Variants in PLEKHG4B observed in about 807,000 individuals in gnomAD.
PLEKHG4B encodes the protein pleckstrin homology and RhoGEF domain containing G4B, also known as pleckstrin homology domain-containing family G member 4B.
Under a neutral mutation model 121.3 loss-of-function variants are expected in PLEKHG4B, and 111 were observed. The ratio of observed to expected loss-of-function variants is 0.92; its 90% CI spans 0.78 to 1.07. PLEKHG4B has a LOEUF of 1.07. PLEKHG4B is among the 50% of genes least tolerant of loss of function. The pLI is 0.00. For synonymous variants in PLEKHG4B, 738 were observed against 725.0 expected, an observed-to-expected ratio of 1.02 and a Z score of -0.29; for missense variants, 1,831 against 1,757.8, an observed-to-expected ratio of 1.04 and a Z score of -0.74.
At chr5:118,893 C>G (rs901075506) in intron 2 of PLEKHG4B, among the ~76,000 whole-genome samples, 1 of 151,276 alleles carries the variant, frequency 6.6e-6, no homozygotes, top group African/African-American at 2.4e-5. Context: ...CTCTGTCACC[C>G]AGGCTGGAGT....
At chr5:98,734 A>C (rs1296115374) in intron 1 of PLEKHG4B, among the ~76,000 whole-genome samples, 1 of 147,036 alleles carries the variant, frequency 6.8e-6, no homozygotes, top group Non-Finnish European at 1.5e-5. Context: ...CAGCCTCCCA[A>C]AGTGCTGGGA....
intron 1 of PLEKHG4B, among the ~76,000 whole-genome samples, chr5:97,896 C>G (rs1733676202): frequency 1.3e-5 from 2 of 152,122 alleles, no homozygotes; most frequent in Admixed American, 6.5e-5. Context: ...ATTTCCATTC[C>G]CACCAGCAAG....
At position 169,346 on chromosome 5, in the gene PLEKHG4B, A is replaced by G. The variant is rs1736459632; in HGVS notation, c.3483A>G (p.Arg1161=). The change falls in exon 14 of 20, where the codon CGA becomes CGG. Residue 1161 remains arginine (R), a synonymous_variant. Transcript: ENST00000637938. ...GGATCTCTGTGTCTTCCAGCAGCCGACTGAGGCACATCATGGCCGAGATGA... is the reference window on the plus strand; with the variant it reads ...GGATCTCTGTGTCTTCCAGCAGCCGGCTGAGGCACATCATGGCCGAGATGA... ...EDGRQQVGSS[R]LRHIMAEMIA... The G allele has an allele frequency of 6.2e-7, 1 of 1,613,738 alleles. No homozygotes were observed. Among genetic ancestry groups the G allele is most frequent in the Non-Finnish European group, 8.5e-7 (1 of 1,179,922 alleles).
intron 1 of PLEKHG4B, among the ~76,000 whole-genome samples, chr5:112,569 G>A (rs972404755): frequency 2.6e-5 from 4 of 152,162 alleles, no homozygotes; most frequent in African/African-American, 9.7e-5. Flanking sequence ...CTTCATAAAA[G>A]CATGTTGCAC....
At position 163,073 on chromosome 5, in the gene PLEKHG4B, G is replaced by A. The variant is rs1736088530; in HGVS notation, c.3001G>A (p.Gly1001Ser). 2 of 1,561,864 alleles carry A rather than the reference G, an allele frequency of 1.3e-6. No homozygotes were observed. Among genetic ancestry groups the A allele is most frequent in the African/African-American group, 1.4e-5 (1 of 73,508 alleles). ...PSFPSTDSGG[G>S]AWEPAQPLSG... ...ATTCCCCAGCACGGACAGTGGGGGT[G>A]GTGCCTGGGAACCTGCGCAACCACT... Residue 1001 changes from glycine to serine, a missense_variant, in exon 13 of 20, where the codon GGT (glycine) becomes AGT (serine). Physicochemically the swap from Gly to Ser is moderately conservative, Grantham distance 56. Coordinates refer to ENST00000637938, the MANE Select transcript of PLEKHG4B (RefSeq NM_052909.5).
chr5:182,903 A>T lies in PLEKHG4B; in HGVS notation c.*580A>T, dbSNP rs1015038400. The stretch of plus-strand genomic sequence containing the variant: ...GGTTGCTACCCATTCGCACACTCAA[A>T]CAGGGAGGCTACCAAGGCTGGGAGC... On this transcript the variant is annotated 3_prime_UTR_variant, in exon 20 of 20. Transcript: ENST00000637938. 6.4e-6 allele frequency: 1 copy of T among 156,308 alleles called. No homozygotes were observed. The highest frequency in any genetic ancestry group is 1.9e-4 in the East Asian group (1 of 5,316). The allele number at this position is 156,308 out of a possible 1,614,324, so 9.7% of individuals were successfully genotyped here. A position where few individuals can be genotyped will look rare whatever the true frequency, so the allele number is the denominator to read the frequency against.
Position 139,711 on chromosome 5 carries a change from G to A in PLEKHG4B, c.472G>A (p.Val158Ile), listed in dbSNP as rs1735092370. The A allele has an allele frequency of 7.5e-6, 3 of 398,838 alleles. No homozygotes were observed. The highest frequency in any genetic ancestry group is 1.3e-5 in the Non-Finnish European group (3 of 226,174). The allele number at this position is 398,838 out of a possible 1,614,324, so 24.7% of individuals were successfully genotyped here. A position where few individuals can be genotyped will look rare whatever the true frequency, so the allele number is the denominator to read the frequency against. Residue 158 changes from valine (V) to isoleucine (I), a missense_variant, in exon 3 of 20, where the codon GTC becomes ATC. Physicochemically the swap from Val to Ile is conservative, Grantham distance 29 (BLOSUM62 3). Coordinates refer to ENST00000637938, the MANE Select transcript of PLEKHG4B (RefSeq NM_052909.5). The surrounding 1 kb of genome is among the most constrained non-coding windows in gnomAD (Gnocchi z 5.0). ...CGTCCCTGAGGCCATGTATGGCTGT[G>A]TCTTCACGGGGGCGTTCCTGGAGTG... is the stretch of plus-strand genomic sequence containing the variant. ...VTVPEAMYGC[V>I]FTGAFLEWVN...
At chr5:154,407 C>T (rs1398304240) in intron 7 of PLEKHG4B, among the ~76,000 whole-genome samples, 2 of 152,276 alleles carry the variant, frequency 1.3e-5, no homozygotes, top group East Asian at 3.9e-4. Flanking sequence ...CGGGCAGCGG[C>T]CCTGAGGACG....
intron 1 of PLEKHG4B, among the ~76,000 whole-genome samples, chr5:96,301 A>G (rs1011809455): frequency 1.3e-5 from 2 of 152,194 alleles, no homozygotes; most frequent in East Asian, 1.9e-4. Flanking sequence ...CTATCATTCT[A>G]TGATTCTGAA....
chr5:102,163 C>T (rs10475442), intron 1 of PLEKHG4B, among the ~76,000 whole-genome samples: 18,880 of 135,300 alleles, frequency 0.14, 1,742 homozygotes, highest in African/African-American at 0.29. Context: ...GGAGAGACTG[C>T]TGTGAGGTTA....
intron 2 of PLEKHG4B, among the ~76,000 whole-genome samples, chr5:128,365 A>G (rs1454851175): frequency 6.6e-6 from 1 of 152,222 alleles, no homozygotes; most frequent in East Asian, 1.9e-4. Context: ...ATGGCTAAAT[A>G]AAAACCACAT....
chr5:109,102 C>T (rs1734060457), intron 1 of PLEKHG4B, among the ~76,000 whole-genome samples: 1 of 152,168 alleles, frequency 6.6e-6, no homozygotes, highest in Non-Finnish European at 1.5e-5. Context: ...CCCCCGCTGT[C>T]CCCAGGGCCC....
At chr5:180,422 C>T (rs1459448014) in intron 18 of PLEKHG4B, among the ~76,000 whole-genome samples, 4 of 152,158 alleles carry the variant, frequency 2.6e-5, no homozygotes, top group South Asian at 2.1e-4. Flanking sequence ...CCACCCTGTG[C>T]GTTTTCAGAA....
intron 6 of PLEKHG4B, among the ~76,000 whole-genome samples, chr5:149,552 A>G (rs1454883202): frequency 7.0e-6 from 1 of 142,976 alleles, no homozygotes; most frequent in African/African-American, 2.9e-5. Context: ...AAAAAAGTAA[A>G]TAAGAAGACG....
intron 2 of PLEKHG4B, among the ~76,000 whole-genome samples, chr5:126,890 G>A (rs1185001450): frequency 1.3e-5 from 2 of 152,182 alleles, no homozygotes; most frequent in Non-Finnish European, 2.9e-5. Flanking sequence ...GATTTTATAG[G>A]CAGGCTTGAG....
chr5:119,484 A>G lies in PLEKHG4B; in HGVS notation c.243+6036A>G, dbSNP rs142629155. Among the ~76,000 whole-genome samples, 467 of 152,328 alleles carry G rather than the reference A, an allele frequency of 3.1e-3. 2 individuals carry two copies. The highest frequency in any genetic ancestry group is 0.01 in the Middle Eastern group (3 of 294). On this transcript the variant is annotated intron_variant, in intron 2 of 19. Transcript: ENST00000637938. ...GACAAAACCACCAAGGAAATTGTCA[A>G]AATATTTAGAGCCAAAGAACAGATG...
chr5:127,340 T>TTTATTATTA (rs60825083), intron 2 of PLEKHG4B, among the ~76,000 whole-genome samples: 27,493 of 135,292 alleles, frequency 0.2, 2,945 homozygotes, highest in Middle Eastern at 0.36. Flanking sequence ...ATTGTTGGTT[T>TTTATTATTA]TTATTATTAT....
intron 11 of PLEKHG4B, among the ~76,000 whole-genome samples, chr5:160,403 C>A (rs551832929): frequency 6.6e-6 from 1 of 152,358 alleles, no homozygotes; most frequent in East Asian, 1.9e-4. Context: ...GAGGTTTCCA[C>A]GCATAAGCCG....
chr5:172,215 CG>C (rs1412679844), intron 16 of PLEKHG4B, among the ~76,000 whole-genome samples: 1 of 152,234 alleles, frequency 6.6e-6, no homozygotes. Flanking sequence ...TGTGTGGAGG[CG>C]CCTCAGGCTG....
Sources: allele counts gnomAD v4.1 joint callset (sites outside exome capture counted in the v4.1 genomes callset), GRCh38; gene constraint gnomAD v4.1.1; non-coding constraint Gnocchi (gnomAD v3.1); transcripts MANE v1.5; gene names NCBI Gene and HGNC (gene_info 2026-07-23, HGNC 2026-07-21).